Variants in GLT1D1 observed in about 807,000 individuals in gnomAD.
GLT1D1 encodes glycosyltransferase 1 domain-containing protein 1.
In GLT1D1, 21 loss-of-function variants were observed where a neutral mutation model predicts 28.7. The observed-to-expected ratio is 0.73, with a 90% CI of 0.52 to 1.05. The LOEUF (loss-of-function observed/expected upper bound fraction) is 1.05, where lower values mean the gene tolerates loss of function less well. Among genes scored for constraint, GLT1D1 ranks in the 50% least tolerant of loss-of-function variants. The pLI, the probability that GLT1D1 is intolerant of heterozygous loss-of-function variation, is 0.00. For synonymous variants in GLT1D1, 147 were observed against 124.8 expected (o/e 1.18, Z -1.19); for missense variants, 343 against 330.6 (o/e 1.04, Z -0.29).
At chr12:128,982,722 G>A (rs774197899) in intron 7 of GLT1D1, among the ~76,000 whole-genome samples, 5 of 151,916 alleles carry the variant, frequency 3.3e-5, no homozygotes, top group Admixed American at 6.6e-5. Flanking sequence ...ATGTATGTGT[G>A]CGTGTGTGTG....
intron 7 of GLT1D1, among the ~76,000 whole-genome samples, chr12:128,978,403 C>G (rs903685759): frequency 6.6e-6 from 1 of 152,192 alleles, no homozygotes. Flanking sequence ...TCTCCTCCTC[C>G]GTGTGAGTGT....
Position 128,927,374 on chromosome 12 carries a change from G to A in GLT1D1, c.376-17952G>A, listed in dbSNP as rs374577722. Among the ~76,000 whole-genome samples the A allele has an allele frequency of 2.6e-4, 40 of 152,144 alleles. 1 individual carries two copies. In the East Asian group the frequency reaches 2.9e-3, roughly 11 times the overall value. ...CTGCCTCAGCCTCCCGAATAGCTGG[G>A]ACTACAGGTGCCCACCACCATGCCT... is the stretch of plus-strand genomic sequence containing the variant. On this transcript the variant is annotated intron_variant, in intron 4 of 7. Transcript: ENST00000281703.
intron 2 of GLT1D1, among the ~76,000 whole-genome samples, chr12:128,881,711 C>T (rs907025477): frequency 5.4e-5 from 8 of 147,506 alleles, no homozygotes. Context: ...GTGCTAAGCA[C>T]TTTGATAAAT....
At chr12:128,914,537 G>A (rs1566128416) in intron 4 of GLT1D1, among the ~76,000 whole-genome samples, 1 of 152,062 alleles carries the variant, frequency 6.6e-6, no homozygotes, top group African/African-American at 2.4e-5. Context: ...CAACACAAGT[G>A]GGCCGTGTGT....
intron 2 of GLT1D1, among the ~76,000 whole-genome samples, chr12:128,879,414 CTT>C (rs1467768805): frequency 1.1e-5 from 1 of 94,568 alleles, no homozygotes; most frequent in African/African-American, 4.6e-5. Context: ...TTCTTTCTTT[CTT>C]TCTTTCTTTC....
At chr12:128,854,658 G>A (rs1035360715) in intron 1 of GLT1D1, among the ~76,000 whole-genome samples, 2 of 147,948 alleles carry the variant, frequency 1.4e-5, no homozygotes, top group Non-Finnish European at 3.0e-5. Context: ...CACCACGCCC[G>A]GCTGATTTTT....
At chr12:128,976,353 T>TG (rs1467440443) in intron 7 of GLT1D1, among the ~76,000 whole-genome samples, 2 of 152,088 alleles carry the variant, frequency 1.3e-5, no homozygotes, top group African/African-American at 4.8e-5. Context: ...GGCGGGTATG[T>TG]GGGGCGTGTG....
intron 1 of GLT1D1, among the ~76,000 whole-genome samples, chr12:128,859,314 A>G (rs1340127174): frequency 6.6e-6 from 1 of 152,218 alleles, no homozygotes; most frequent in African/African-American, 2.4e-5. Flanking sequence ...GGAAGAGACC[A>G]TCTCTTCCAG....
chr12:128,951,978 C>T (rs1199317736), intron 6 of GLT1D1, among the ~76,000 whole-genome samples: 1 of 152,170 alleles, frequency 6.6e-6, no homozygotes, highest in African/African-American at 2.4e-5. Context: ...GTGTGGAATC[C>T]TCCCCTGCGT....
intron 5 of GLT1D1, 65 bp downstream of exon 9, chr12:128,945,434 G>C (rs532708696): frequency 8.0e-7 from 1 of 1,257,448 alleles, no homozygotes; most frequent in African/African-American, 1.5e-5. Flanking sequence ...TGGGTTACCT[G>C]AACTCACATT....
intron 3 of GLT1D1, among the ~76,000 whole-genome samples, chr12:128,895,944 A>G (rs931611418): frequency 6.6e-6 from 1 of 152,188 alleles, no homozygotes; most frequent in Non-Finnish European, 1.5e-5. Flanking sequence ...AAACCAATGA[A>G]GAAGCATTTC....
chr12:128,889,489 A>C (rs188394734), intron 3 of GLT1D1, among the ~76,000 whole-genome samples: 163 of 152,210 alleles, frequency 1.1e-3, no homozygotes, highest in African/African-American at 3.6e-3. Flanking sequence ...CCAGATACTG[A>C]TCATGGGCAG....
chr12:128,885,469 C>T (rs111394214), intron 2 of GLT1D1, among the ~76,000 whole-genome samples: 8,242 of 152,176 alleles, frequency 0.054, 719 homozygotes, highest in African/African-American at 0.18. Flanking sequence ...GTGATCCACC[C>T]GCCTCGGCCT....
At chr12:128,875,843 C>A in intron 1 of GLT1D1, 71 bp from the exon 2 acceptor site, 65 of 1,244,238 alleles carry the variant, frequency 5.2e-5, no homozygotes, top group Non-Finnish European at 6.7e-5. Flanking sequence ...AAAGTCTTAA[C>A]TGTAGCAGCA....
At chr12:128,927,873 G>A (rs1190723320) in intron 4 of GLT1D1, among the ~76,000 whole-genome samples, 1 of 151,066 alleles carries the variant, frequency 6.6e-6, no homozygotes, top group Non-Finnish European at 1.5e-5. Context: ...CGTGGTGGGT[G>A]CCTATAATCC....
intron 7 of GLT1D1, among the ~76,000 whole-genome samples, chr12:128,971,069 CT>C (rs947872988): frequency 2.0e-5 from 3 of 152,172 alleles, no homozygotes; most frequent in African/African-American, 7.2e-5. Context: ...ATTTCTTTTT[CT>C]TTTCAAAGTC....
chr12:128,885,348 G>A (rs970615227), intron 2 of GLT1D1, among the ~76,000 whole-genome samples: 19 of 152,140 alleles, frequency 1.2e-4, no homozygotes, highest in Admixed American at 1.0e-3. Context: ...TCAGCCTCCC[G>A]AGTAGCTGGG....
chr12:128,891,044 G>T (rs1868992738), intron 3 of GLT1D1, among the ~76,000 whole-genome samples: 1 of 151,734 alleles, frequency 6.6e-6, no homozygotes, highest in Non-Finnish European at 1.5e-5. Flanking sequence ...GGGAGGTGTT[G>T]GTTGCAGTAA....
intron 1 of GLT1D1, among the ~76,000 whole-genome samples, chr12:128,856,759 A>C (rs944663601): frequency 6.6e-6 from 1 of 152,088 alleles, no homozygotes; most frequent in Non-Finnish European, 1.5e-5. Context: ...ATTACCACTA[A>C]AAAAAACAAG....
Sources: allele counts gnomAD v4.1 joint callset (sites outside exome capture counted in the v4.1 genomes callset), GRCh38; gene constraint gnomAD v4.1.1; transcripts MANE v1.5; gene names NCBI Gene and HGNC (gene_info 2026-07-23, HGNC 2026-07-21).